EYA4: variants seen among roughly 807,000 people sequenced by gnomAD.
EYA4 encodes the protein EYA transcriptional coactivator and phosphatase 4.
EYA4 carries 31 observed loss-of-function variants against 87.9 expected under a neutral mutation model. The observed-to-expected ratio is 0.35, with a 90% CI of 0.27 to 0.48. EYA4 has a LOEUF of 0.48. Among genes scored for constraint, EYA4 ranks in the 20% least tolerant of loss-of-function variants. EYA4 has a pLI of 0.99. For missense variants in EYA4, 678 were observed against 761.4 expected (o/e 0.89, Z 1.29); for synonymous variants, 263 against 270.6 (o/e 0.97, Z 0.28).
At chr6:133,302,232 A>T (rs890272391) in intron 2 of EYA4, among the ~76,000 whole-genome samples, 6 of 151,998 alleles carry the variant, frequency 3.9e-5, no homozygotes, top group African/African-American at 1.4e-4. Flanking sequence ...CTTTTTTTTT[A>T]AATAAATAAA....
intron 2 of EYA4, among the ~76,000 whole-genome samples, chr6:133,296,792 C>G (rs1050076858): frequency 2.6e-5 from 4 of 151,982 alleles, no homozygotes; most frequent in Non-Finnish European, 5.9e-5. Flanking sequence ...TATCATCTAT[C>G]AGGTGTCCAT....
chr6:133,475,652 G>A (rs1031810388), intron 11 of EYA4, among the ~76,000 whole-genome samples: 2 of 152,122 alleles, frequency 1.3e-5, no homozygotes, highest in African/African-American at 4.8e-5. Flanking sequence ...ACATTCAACT[G>A]CTCTGCCAAT....
At chr6:133,249,578 C>T (rs979013610) in intron 1 of EYA4, among the ~76,000 whole-genome samples, 10 of 152,246 alleles carry the variant, frequency 6.6e-5, no homozygotes, top group Non-Finnish European at 1.5e-4. Context: ...TCACTCCCCA[C>T]TCACAACAAC....
intron 2 of EYA4, among the ~76,000 whole-genome samples, chr6:133,343,520 C>T (rs1446696514): frequency 6.6e-6 from 1 of 151,392 alleles, no homozygotes; most frequent in Non-Finnish European, 1.5e-5. Context: ...CAGATAGCCT[C>T]CCCCTAGCTC....
At chr6:133,294,175 G>A (rs1005806821) in intron 2 of EYA4, among the ~76,000 whole-genome samples, 2 of 149,094 alleles carry the variant, frequency 1.3e-5, no homozygotes, top group Admixed American at 6.7e-5. Flanking sequence ...AACTAGGCAG[G>A]TCTCTTTTTC....
At chr6:133,446,604 T>C in intron 3 of EYA4, 26 bp from the exon 4 acceptor site, 1 of 1,613,718 alleles carries the variant, frequency 6.2e-7, no homozygotes, top group Non-Finnish European at 8.5e-7. Flanking sequence ...ATTTCAACTT[T>C]TCTCTGCTGC....
chr6:133,423,849 A>G (rs1410935279), intron 3 of EYA4, among the ~76,000 whole-genome samples: 1 of 152,212 alleles, frequency 6.6e-6, no homozygotes, highest in Non-Finnish European at 1.5e-5. Flanking sequence ...TTCTAGCCAG[A>G]AACCTCTGTG....
At chr6:133,262,143 T>C (rs958116234) in intron 1 of EYA4, among the ~76,000 whole-genome samples, 2 of 152,212 alleles carry the variant, frequency 1.3e-5, no homozygotes, top group African/African-American at 4.8e-5. Flanking sequence ...CAACACATTT[T>C]CCTCAGGATG....
intron 2 of EYA4, among the ~76,000 whole-genome samples, chr6:133,299,312 T>C (rs551110508): frequency 6.6e-6 from 1 of 152,312 alleles, no homozygotes; most frequent in East Asian, 1.9e-4. Context: ...ATTTAATATA[T>C]GTTAAAATTC....
chr6:133,462,559 A>G, intron 8 of EYA4, 62 bp from the exon 9 acceptor site: 1 of 1,612,566 alleles, frequency 6.2e-7, no homozygotes, highest in South Asian at 1.1e-5. Context: ...ATTGTAGGTT[A>G]CAACTTAGAA....
intron 2 of EYA4, among the ~76,000 whole-genome samples, chr6:133,346,545 C>T (rs1265825471): frequency 6.6e-6 from 1 of 152,196 alleles, no homozygotes; most frequent in Non-Finnish European, 1.5e-5. Context: ...TTAGAACATT[C>T]TACAAGTCTT....
chr6:133,339,434 G>C (rs910775725), intron 2 of EYA4, among the ~76,000 whole-genome samples: 4 of 152,218 alleles, frequency 2.6e-5, no homozygotes, highest in African/African-American at 7.2e-5. Context: ...GATAGAGGTA[G>C]TACAGAGCCA....
chr6:133,514,502 T>G (rs534698527), intron 16 of EYA4, among the ~76,000 whole-genome samples: 16 of 152,336 alleles, frequency 1.1e-4, no homozygotes, highest in African/African-American at 3.8e-4. Flanking sequence ...AGCATCTCTC[T>G]ATTATAATGA....
chr6:133,404,859 G>GGA (rs1345556713), intron 3 of EYA4, among the ~76,000 whole-genome samples: 1 of 152,176 alleles, frequency 6.6e-6, no homozygotes, highest in African/African-American at 2.4e-5. Flanking sequence ...CTTCGCATGA[G>GGA]GAGAGAGAGA....
At chr6:133,478,247 T>C (rs1795910925) in intron 11 of EYA4, among the ~76,000 whole-genome samples, 1 of 152,082 alleles carries the variant, frequency 6.6e-6, no homozygotes, top group East Asian at 1.9e-4. Flanking sequence ...AAAAAGTCAG[T>C]GTCTGTTAAA....
At chr6:133,267,971 C>T (rs558816615) in intron 1 of EYA4, among the ~76,000 whole-genome samples, 12 of 152,084 alleles carry the variant, frequency 7.9e-5, no homozygotes, top group African/African-American at 2.7e-4. Flanking sequence ...TTGAGGACAC[C>T]GTGTTCACAG....
chr6:133,395,619 G>GT (rs1787716780), intron 3 of EYA4, among the ~76,000 whole-genome samples: 1 of 152,140 alleles, frequency 6.6e-6, no homozygotes, highest in Admixed American at 6.5e-5. Flanking sequence ...AAATTAGCCA[G>GT]GCGTGGTGTT....
chr6:133,345,733 GA>G (rs1783142233), intron 2 of EYA4, among the ~76,000 whole-genome samples: 1 of 152,088 alleles, frequency 6.6e-6, no homozygotes, highest in African/African-American at 2.4e-5. Flanking sequence ...TCAACTATAA[GA>G]AAACTGATTT....
chr6:133,258,842 C>G (rs2128239955), intron 1 of EYA4, among the ~76,000 whole-genome samples: 1 of 152,222 alleles, frequency 6.6e-6, no homozygotes, highest in East Asian at 1.9e-4. Context: ...AAACGTTAGT[C>G]TTTTTTCCCC....
Sources: allele counts gnomAD v4.1 joint callset (sites outside exome capture counted in the v4.1 genomes callset), GRCh38; gene constraint gnomAD v4.1.1; transcripts MANE v1.5; gene names NCBI Gene and HGNC (gene_info 2026-07-23, HGNC 2026-07-21).